The following BDP1 variants were observed in gnomAD, a reference collection of about 807,000 sequenced individuals.
BDP1 encodes transcription factor TFIIIB component B'' homolog.
BDP1 carries 169 observed loss-of-function variants against 266.6 expected under a neutral mutation model. The ratio of observed to expected loss-of-function variants is 0.63; its 90% CI spans 0.56 to 0.72. BDP1 has a LOEUF of 0.72. Among genes scored for constraint, BDP1 ranks in the 30% least tolerant of loss-of-function variants. BDP1 has a pLI of 0.00. For synonymous variants in BDP1, 1,090 were observed against 1,022.4 expected (o/e 1.07, Z -1.26); for missense variants, 3,015 against 3,053.8 (o/e 0.99, Z 0.30).
rs1262568198 is a variant in BDP1 at position 71,456,001 on chromosome 5, G to T, written c.124G>T (p.Asp42Tyr). Residue 42 changes from aspartate (D) to tyrosine (Y), a missense_variant, in exon 1 of 39, where the codon GAC becomes TAC. Coordinates refer to ENST00000358731, the MANE Select transcript of BDP1 (RefSeq NM_018429.3). The stretch of plus-strand genomic sequence containing the variant: ...TCCCAGGCCGCCGGATCCTGCCACG[G>T]ACTCTGCTTCCAAGCCCGCGGAGCC... ...ESPRPPDPAT[D>Y]SASKPAEPTD... The T allele has an allele frequency of 6.2e-7, 1 of 1,613,640 alleles. No individual in the cohort carries two copies.
chr5:71,488,420 C>T (rs1345183417), intron 9 of BDP1, among the ~76,000 whole-genome samples: 1 of 151,806 alleles, frequency 6.6e-6, no homozygotes, highest in Non-Finnish European at 1.5e-5. Flanking sequence ...AGCCACCACG[C>T]CCAGCCAGAA....
intron 10 of BDP1, among the ~76,000 whole-genome samples, 158 bp downstream of exon 10, chr5:71,489,840 TA>T (rs34716350): frequency 6.6e-6 from 1 of 152,206 alleles, no homozygotes; most frequent in African/African-American, 2.4e-5. Context: ...TATTTTTAAT[TA>T]AAAAAGTTTA....
At chr5:71,563,285 T>G (rs1245964197) in intron 38 of BDP1, among the ~76,000 whole-genome samples, 1 of 152,134 alleles carries the variant, frequency 6.6e-6, no homozygotes, top group Non-Finnish European at 1.5e-5. Context: ...TTAGCTGAGC[T>G]TACAGATGCA....
In BDP1 at chr5:71,497,909, C is replaced by G. The variant is rs1182021232; in HGVS notation, c.1956+483C>G. Among the ~76,000 whole-genome samples the G allele has an allele frequency of 2.0e-5, 3 of 152,268 alleles. 1 individual carries two copies. Among genetic ancestry groups the G allele is most frequent in the Admixed American group, 2.0e-4 (3 of 15,304 alleles). ...GCTCAAGTGATTCTCCCACATCACC[C>G]TCCCCAGTAGCTGGGACTACAGGTG... On this transcript the variant is annotated intron_variant, in intron 13 of 38. Transcript: ENST00000358731.
At chr5:71,504,293 A>G (rs935221891) in intron 15 of BDP1, among the ~76,000 whole-genome samples, 5 of 151,944 alleles carry the variant, frequency 3.3e-5, no homozygotes, top group Non-Finnish European at 7.4e-5. Context: ...AAAAAGAAAA[A>G]AAAATTCCCG....
At chr5:71,573,182 C>T in the BDP1 span, among the ~76,000 whole-genome samples, 3 of 150,004 alleles carry the variant, frequency 2.0e-5, no homozygotes, top group Admixed American at 6.7e-5. Context: ...GAGTCAAGAT[C>T]GTGCCACCGC....
intron 19 of BDP1, among the ~76,000 whole-genome samples, chr5:71,514,046 C>T (rs1004873382): frequency 6.6e-6 from 1 of 151,940 alleles, no homozygotes; most frequent in Non-Finnish European, 1.5e-5. Context: ...ATTTCACTCT[C>T]TTGTGAAGGT....
rs369333012 is a variant in BDP1 at position 71,513,426 on chromosome 5, G to A, written c.4470+19G>A. 4.0e-4 allele frequency: 574 copies of A among 1,428,962 alleles called. 1 individual carries two copies. The highest frequency in any genetic ancestry group is 3.1e-3 in the Middle Eastern group (12 of 3,874). The allele number at this position is 1,428,962 out of a possible 1,614,324, so 88.5% of individuals were successfully genotyped here. A position where few individuals can be genotyped will look rare whatever the true frequency, so the allele number is the denominator to read the frequency against. Reference sequence around the variant, plus strand: ...TCAACATGTGAGTGTATTTGAGATGGAAGTTCTGTGTGGGTGTTTTTTTTT... The same window carrying A: ...TCAACATGTGAGTGTATTTGAGATGAAAGTTCTGTGTGGGTGTTTTTTTTT... On this transcript the variant is annotated intron_variant, in intron 19 of 38. Coordinates refer to ENST00000358731, the MANE Select transcript of BDP1 (RefSeq NM_018429.3).
rs1036667750 is a variant in BDP1, at chr5:71,516,014, C to T, written c.4650-47C>T. 2.9e-6 allele frequency: 4 copies of T among 1,397,248 alleles called. No individual in the cohort carries two copies. The Admixed American group carries it at 7.0e-5, about 24-fold the overall frequency. 86.6% of individuals were successfully genotyped at this position (1,397,248 alleles called of 1,614,324 possible). On this transcript the variant is annotated intron_variant, in intron 20 of 38. Transcript: ENST00000358731. ...TTTACATTTTTACATTAGTTTTCAG[C>T]TTTTTACAGTCAAGCGCCCTGCCTT...
At chr5:71,532,279 A>G (rs780313468) in intron 25 of BDP1, 29 bp from the exon 26 acceptor site, 1 of 1,607,048 alleles carries the variant, frequency 6.2e-7, no homozygotes, top group Non-Finnish European at 8.5e-7. Context: ...AATATGCCAA[A>G]ATGAAATGAT....
chr5:71,480,233 C>T (rs866688965), intron 7 of BDP1, among the ~76,000 whole-genome samples: 1 of 150,900 alleles, frequency 6.6e-6, no homozygotes, highest in Middle Eastern at 3.4e-3. Context: ...GCCTCAGCTT[C>T]CCAAGTAGCT....
intron 8 of BDP1, among the ~76,000 whole-genome samples, chr5:71,485,092 A>G (rs1236066137): frequency 3.9e-5 from 6 of 152,236 alleles, no homozygotes; most frequent in African/African-American, 1.4e-4. Context: ...TAAATCTATA[A>G]ACAGTCTATT....
chr5:71,561,005 G>A (rs1309588506), intron 37 of BDP1, among the ~76,000 whole-genome samples: 1 of 152,210 alleles, frequency 6.6e-6, no homozygotes, highest in Admixed American at 6.5e-5. Context: ...CAGCTACTCA[G>A]GAGGCTGAGG....
At chr5:71,492,203 G>A (rs1763636566) in intron 11 of BDP1, among the ~76,000 whole-genome samples, 1 of 152,146 alleles carries the variant, frequency 6.6e-6, no homozygotes. Flanking sequence ...ACTGAACATG[G>A]GAGTGCAAAT....
Position 71,556,910 on chromosome 5 carries a change from G to A in BDP1, c.7225G>A (p.Val2409Ile). The A allele has an allele frequency of 6.9e-7, 1 of 1,459,400 alleles. No individual in the cohort carries two copies. The highest frequency in any genetic ancestry group is 9.1e-7 in the Non-Finnish European group (1 of 1,094,324). 90.4% of individuals were successfully genotyped at this position (1,459,400 alleles called of 1,614,324 possible). A position where few individuals can be genotyped will look rare whatever the true frequency, so the allele number is the denominator to read the frequency against. The change falls in exon 36 of 39, where the codon GTT (valine) becomes ATT (isoleucine). Residue 2409 changes from valine (V) to isoleucine (I), a missense_variant. Val to Ile is a conservative substitution (Grantham distance 29). Around this residue, in one of 3 missense-constraint regions of BDP1, gnomAD observed 629 missense variants for 632.5 expected, o/e 0.99. Transcript: ENST00000358731. ...GGTGCACTCAAAGGAATTAACAAAT[G>A]TTTTTGAGGAAACAGGTAAGTGAAA... ...TEVHSKELTNVFEETGESHKG... is the reference protein window; with the variant it reads ...TEVHSKELTNIFEETGESHKG...
At chr5:71,574,701 A>G in the BDP1 span, among the ~76,000 whole-genome samples, 3 of 152,206 alleles carry the variant, frequency 2.0e-5, no homozygotes, top group African/African-American at 7.2e-5. Flanking sequence ...AGTAGTTTTA[A>G]TGTCACAAGA....
the BDP1 span, among the ~76,000 whole-genome samples, chr5:71,577,998 T>C: frequency 1.3e-5 from 2 of 152,164 alleles, no homozygotes; most frequent in South Asian, 4.1e-4. Flanking sequence ...AACAGCAAAC[T>C]GTTTATCATG....
intron 9 of BDP1, among the ~76,000 whole-genome samples, chr5:71,487,868 A>T (rs536475866): frequency 6.6e-6 from 1 of 152,352 alleles, no homozygotes; most frequent in East Asian, 1.9e-4. Context: ...AAATTCTGAG[A>T]CATGGCCCAA....
At chr5:71,482,488 A>C (rs1561691224) in intron 7 of BDP1, among the ~76,000 whole-genome samples, 1 of 152,250 alleles carries the variant, frequency 6.6e-6, no homozygotes, top group Non-Finnish European at 1.5e-5. Context: ...GGACCTGTCC[A>C]TAATGAGTTA....
Sources: gnomAD v4.1 joint callset for allele counts (sites outside exome capture counted in the v4.1 genomes callset) on GRCh38, gnomAD v4.1.1 for gene constraint, gnomAD v4.1.1 regional missense constraint, MANE v1.5 for transcripts, NCBI Gene and HGNC (gene_info 2026-07-23, HGNC 2026-07-21) for gene names.